Variants in SUCLG2 observed in about 807,000 individuals in gnomAD.
SUCLG2 encodes succinate-CoA ligase GDP-forming subunit beta, also known as succinate--CoA ligase [GDP-forming] subunit beta, mitochondrial.
A neutral mutation model predicts 47.9 loss-of-function variants in SUCLG2; 42 were observed. That is an observed-to-expected ratio of 0.88 (90% CI 0.69 to 1.14). SUCLG2 has a LOEUF of 1.14. Ranked by LOEUF, SUCLG2 falls within the 50% of genes most tolerant of loss-of-function variation. The probability of loss-of-function intolerance (pLI) is 0.00; values close to 1 mark genes in which losing one functional copy is unlikely to be tolerated. For missense variants in SUCLG2, 571 were observed against 525.9 expected, an observed-to-expected ratio of 1.09 and a Z score of -0.84; for synonymous variants, 195 against 197.3, an observed-to-expected ratio of 0.99 and a Z score of 0.10.
intron 10 of SUCLG2, among the ~76,000 whole-genome samples, chr3:67,398,050 C>A (rs772614202): frequency 6.6e-6 from 1 of 150,384 alleles, no homozygotes; most frequent in Non-Finnish European, 1.5e-5. Context: ...AATGTTAGAA[C>A]TAAAACCATA....
At chr3:67,593,137 G>A (rs17046684) in intron 2 of SUCLG2, among the ~76,000 whole-genome samples, 4,622 of 152,280 alleles carry the variant, frequency 0.03, 231 homozygotes, top group African/African-American at 0.11. Context: ...TTTAAAGATA[G>A]ATACCACATT....
intron 1 of SUCLG2, among the ~76,000 whole-genome samples, chr3:67,643,687 G>A (rs1701142450): frequency 6.6e-6 from 1 of 152,148 alleles, no homozygotes; most frequent in Non-Finnish European, 1.5e-5. Flanking sequence ...TCCAACAAAT[G>A]AGACTGTAGG....
chr3:67,399,565 A>C (rs564257014), intron 10 of SUCLG2, among the ~76,000 whole-genome samples: 2 of 152,354 alleles, frequency 1.3e-5, no homozygotes, highest in African/African-American at 4.8e-5. Flanking sequence ...TGAACTTGAC[A>C]GCTTCCTACT....
intron 10 of SUCLG2, among the ~76,000 whole-genome samples, chr3:67,368,033 TATTA>T (rs1307868128): frequency 6.6e-6 from 1 of 152,212 alleles, no homozygotes. Context: ...TTATACACAA[TATTA>T]TTTATTCCAT....
chr3:67,555,381 T>C (rs936851117), intron 2 of SUCLG2, among the ~76,000 whole-genome samples: 10 of 152,204 alleles, frequency 6.6e-5, no homozygotes, highest in African/African-American at 2.4e-4. Context: ...TACATATACA[T>C]ATATGTGTGT....
intron 9 of SUCLG2, among the ~76,000 whole-genome samples, chr3:67,444,102 G>T (rs1703855911): frequency 9.7e-6 from 1 of 102,700 alleles, no homozygotes; most frequent in Non-Finnish European, 2.1e-5. Context: ...CCGTCCGGGA[G>T]GGAGGTGGGG....
intron 9 of SUCLG2, among the ~76,000 whole-genome samples, chr3:67,447,052 T>C (rs1465528695): frequency 1.3e-5 from 2 of 152,196 alleles, no homozygotes; most frequent in Admixed American, 1.3e-4. Flanking sequence ...TGAAAATTCA[T>C]TGTTCTCTGG....
intron 9 of SUCLG2, among the ~76,000 whole-genome samples, chr3:67,446,763 A>G (rs1703938303): frequency 6.6e-6 from 1 of 152,072 alleles, no homozygotes; most frequent in South Asian, 2.1e-4. Flanking sequence ...AAACAATGCC[A>G]GGCACTCAAA....
At chr3:67,404,937 A>G (rs1382782779) in intron 9 of SUCLG2, among the ~76,000 whole-genome samples, 1 of 149,410 alleles carries the variant, frequency 6.7e-6, no homozygotes, top group African/African-American at 2.5e-5. Context: ...GCAACTTTTA[A>G]TTATCTTCCC....
intron 9 of SUCLG2, among the ~76,000 whole-genome samples, chr3:67,414,323 G>A (rs888921522): frequency 6.6e-6 from 1 of 152,196 alleles, no homozygotes; most frequent in African/African-American, 2.4e-5. Context: ...TTCCATCCCA[G>A]TTTCATGTTA....
intron 10 of SUCLG2, among the ~76,000 whole-genome samples, chr3:67,381,330 CA>C (rs1461706877): frequency 6.6e-6 from 1 of 152,004 alleles, no homozygotes; most frequent in African/African-American, 2.4e-5. Flanking sequence ...TCCTTTTTTG[CA>C]AAATGATATT....
intron 1 of SUCLG2, among the ~76,000 whole-genome samples, chr3:67,613,529 T>C (rs1326597242): frequency 6.6e-6 from 1 of 152,144 alleles, no homozygotes; most frequent in African/African-American, 2.4e-5. Flanking sequence ...CCTCTCTAGA[T>C]ATGGGGAATG....
At chr3:67,623,211 C>A (rs1170145020) in intron 1 of SUCLG2, among the ~76,000 whole-genome samples, 1 of 152,100 alleles carries the variant, frequency 6.6e-6, no homozygotes, top group Non-Finnish European at 1.5e-5. Flanking sequence ...CATTTGAAAA[C>A]AAATTGCGGC....
In SUCLG2 at chr3:67,518,318, C is replaced by CA. The variant is rs1706006091; in HGVS notation, c.588dup (p.Glu197Ter). On this transcript the variant is annotated frameshift_variant, in exon 6 of 11. Transcript: ENST00000307227. LOFTEE classifies it high-confidence loss of function. Reference sequence around the variant, plus strand: ...TGAGCTTGGCTGTCCTTTATTCCTTCAAAAATGTCAATTTGCTCCTAGTAA... The same window carrying CA: ...TGAGCTTGGCTGTCCTTTATTCCTTCAAAAAATGTCAATTTGCTCCTAGTAA... 1 of 1,610,512 alleles carries CA rather than the reference C, an allele frequency of 6.2e-7. No individual in the cohort carries two copies. Among genetic ancestry groups the CA allele is most frequent in the South Asian group, 1.1e-5 (1 of 90,382 alleles).
rs756273670 is a variant in SUCLG2 at position 67,529,160 on chromosome 3, G to A, written c.253C>T (p.Gln85Ter). ...TTTCCTCTTCCTCCAGCTAAGATCT[G>A]GGCTTTTAAAACAATTTCTTTTGCA... ...LNAKEIVLKA[Q>*]ILAGGRGKGV... The change falls in exon 3 of 11, where the codon CAG becomes TAG. Residue 85 changes from glutamine to a stop codon, truncating the protein, a stop_gained. Transcript: ENST00000307227. LOFTEE classifies it high-confidence loss of function. 1.1e-5 allele frequency: 18 copies of A among 1,611,684 alleles called. No homozygotes were observed. The South Asian group carries it at 1.5e-4, about 14-fold the overall frequency.
intron 1 of SUCLG2, among the ~76,000 whole-genome samples, chr3:67,612,434 A>C (rs1461463006): frequency 1.3e-5 from 2 of 149,732 alleles, no homozygotes; most frequent in African/African-American, 5.0e-5. Context: ...TTGTAAAAAA[A>C]GGGTGAGAAG....
Position 67,535,478 on chromosome 3 carries a change from G to A in SUCLG2, c.227-6292C>T, listed in dbSNP as rs183275802. ...GATGCTTGTCCCCACAAAATCTCTC[G>A]TTGAAATCTGACCTCCAGTGTTGGA... On this transcript the variant is annotated intron_variant, in intron 2 of 10. Transcript: ENST00000307227. 2.8e-3 allele frequency among the ~76,000 whole-genome samples: 419 copies of A among 152,228 alleles called. 1 individual carries two copies. The highest frequency in any genetic ancestry group is 9.4e-3 in the African/African-American group (390 of 41,554).
intron 2 of SUCLG2, among the ~76,000 whole-genome samples, chr3:67,558,025 T>C (rs142388468): frequency 4.6e-5 from 7 of 152,320 alleles, no homozygotes; most frequent in Admixed American, 6.5e-5. Flanking sequence ...ACTGAAACGT[T>C]TGCTGCACCA....
At chr3:67,395,943 G>A (rs956969158) in intron 10 of SUCLG2, among the ~76,000 whole-genome samples, 1 of 152,058 alleles carries the variant, frequency 6.6e-6, no homozygotes, top group Non-Finnish European at 1.5e-5. Context: ...AGTAAATGAA[G>A]GCAGAAATAA....
Sources: allele counts gnomAD v4.1 joint callset (sites outside exome capture counted in the v4.1 genomes callset), GRCh38; gene constraint gnomAD v4.1.1; transcripts MANE v1.5; gene names NCBI Gene and HGNC (gene_info 2026-07-23, HGNC 2026-07-21).